The following FGF20 variants were observed in gnomAD, a reference collection of about 807,000 sequenced individuals.
The protein encoded by FGF20 is fibroblast growth factor 20.
Under a neutral mutation model 16.7 loss-of-function variants are expected in FGF20, and 8 were observed. That is an observed-to-expected ratio of 0.48 (90% CI 0.28 to 0.87). FGF20 has a LOEUF of 0.87. FGF20 is among the 40% of genes least tolerant of loss of function. The pLI, the probability that FGF20 is intolerant of heterozygous loss-of-function variation, is 0.10. For missense variants in FGF20, 397 were observed against 281.4 expected, an observed-to-expected ratio of 1.41 and a Z score of -2.94; for synonymous variants, 161 against 118.6, an observed-to-expected ratio of 1.36 and a Z score of -2.32.
At position 16,997,737 on chromosome 8, in the gene FGF20, A is replaced by G. The variant is rs545605704; in HGVS notation, c.287-1979T>C. Among the ~76,000 whole-genome samples the G allele has an allele frequency of 9.3e-4, 142 of 152,304 alleles. 2 individuals carry two copies. The highest frequency in any genetic ancestry group is 3.4e-3 in the African/African-American group (140 of 41,576). ...CTTAGGACAGCCATCATAATGACAA[A>G]TACAGAGGTGGGGAGTGAAGGAAAA... On this transcript the variant is annotated intron_variant, in intron 1 of 2. Transcript: ENST00000180166.
chr8:16,997,522 TG>T (rs1281677237), intron 1 of FGF20, among the ~76,000 whole-genome samples: 2 of 152,238 alleles, frequency 1.3e-5, no homozygotes, highest in African/African-American at 2.4e-5. Flanking sequence ...ATTCACTCTT[TG>T]TCAGAAACAG....
rs999003744 is a variant in FGF20, at chr8:16,992,787, G to A, written c.*285C>T. 1 of 259,722 alleles carries A rather than the reference G, an allele frequency of 3.9e-6. No homozygotes were observed. The highest frequency in any genetic ancestry group is 9.3e-5 in the South Asian group (1 of 10,792). The allele number at this position is 259,722 out of a possible 1,614,324, so 16.1% of individuals were successfully genotyped here. ...AGGCACCAGCAGCAACCATGTGAGG[G>A]TTCCCATTATCCACAGTTTAACAGA... is the stretch of plus-strand genomic sequence containing the variant. On this transcript the variant is annotated 3_prime_UTR_variant, in exon 3 of 3. Coordinates refer to ENST00000180166, the MANE Select transcript of FGF20 (RefSeq NM_019851.3).
intron 2 of FGF20, among the ~76,000 whole-genome samples, chr8:16,994,731 C>T (rs1372027413): frequency 6.6e-6 from 1 of 152,142 alleles, no homozygotes; most frequent in Non-Finnish European, 1.5e-5. Context: ...TCTGCTTAAT[C>T]ATACAAAGTC....
At chr8:16,999,518 CTTT>C (rs370808443) in intron 1 of FGF20, among the ~76,000 whole-genome samples, 10 of 85,830 alleles carry the variant, frequency 1.2e-4, no homozygotes, top group Admixed American at 7.1e-4. Flanking sequence ...TACAAGTTTC[CTTT>C]TTTTTTTTTT....
Position 16,992,858 on chromosome 8 carries a change from G to A in FGF20, c.*214C>T. On this transcript the variant is annotated 3_prime_UTR_variant, in exon 3 of 3. Coordinates refer to ENST00000180166, the MANE Select transcript of FGF20 (RefSeq NM_019851.3). Reference sequence around the variant, plus strand: ...GTAAGGACTAATCCAATGTATCTAAGGGAACTTAATCCACATATAAAGAGT... The same window carrying A: ...GTAAGGACTAATCCAATGTATCTAAAGGAACTTAATCCACATATAAAGAGT... The A allele has an allele frequency of 1.8e-6, 1 of 554,070 alleles. No homozygotes were observed. Among genetic ancestry groups the A allele is most frequent in the South Asian group, 2.3e-5 (1 of 44,156 alleles). 34.3% of individuals were successfully genotyped at this position (554,070 alleles called of 1,614,324 possible).
intron 1 of FGF20, among the ~76,000 whole-genome samples, chr8:17,000,113 G>C (rs1810148816): frequency 6.6e-6 from 1 of 152,034 alleles, no homozygotes; most frequent in Non-Finnish European, 1.5e-5. Context: ...TGTAATCCCA[G>C]TACTTTGGGA....
At position 17,002,095 on chromosome 8, in the gene FGF20, A is replaced by G; in HGVS notation, c.-63T>C. The G allele has an allele frequency of 2.1e-6, 3 of 1,437,766 alleles. No homozygotes were observed. Among genetic ancestry groups the G allele is most frequent in the African/African-American group, 1.5e-5 (1 of 66,114 alleles). 89.1% of individuals were successfully genotyped at this position (1,437,766 alleles called of 1,614,324 possible). A position where few individuals can be genotyped will look rare whatever the true frequency, so the allele number is the denominator to read the frequency against. On this transcript the variant is annotated 5_prime_UTR_variant, in exon 1 of 3. Transcript: ENST00000180166. ...AAAGAGTGTTGTGGGGGTGGGATGG[A>G]GGTGGATAGAGAAAAATTATAGCAA...
chr8:16,996,125 G>A (rs1810038289), intron 1 of FGF20, among the ~76,000 whole-genome samples: 1 of 152,118 alleles, frequency 6.6e-6, no homozygotes, highest in Non-Finnish European at 1.5e-5. Flanking sequence ...TTCAATCTGT[G>A]AGATGGGGGC....
chr8:17,000,834 T>A (rs980518026), intron 1 of FGF20, among the ~76,000 whole-genome samples: 1 of 151,982 alleles, frequency 6.6e-6, no homozygotes, highest in African/African-American at 2.4e-5. Context: ...TTCTCTTGTT[T>A]CTTTTAACCC....
chr8:16,995,758 C>A lies in FGF20; in HGVS notation c.287G>T (p.Gly96Val). Residue 96 changes from glycine (G) to valine (V), a missense_variant and splice_region_variant, in exon 2 of 3, where the codon GGT becomes GTT. Physicochemically the swap from Gly to Val is moderately radical, Grantham distance 109. Coordinates refer to ENST00000180166, the MANE Select transcript of FGF20 (RefSeq NM_019851.3). ...TGCCACACTGATGAATTCCAAGATACCTGCATATGTAAACAATTCATAAAA... is the reference window on the plus strand; with the variant it reads ...TGCCACACTGATGAATTCCAAGATAACTGCATATGTAAACAATTCATAAAA... ...QGTRQDHSLFGILEFISVAVG... is the reference protein window; with the variant it reads ...QGTRQDHSLFVILEFISVAVG... The A allele has an allele frequency of 6.5e-7, 1 of 1,547,650 alleles. No homozygotes were observed. Among genetic ancestry groups the A allele is most frequent in the Non-Finnish European group, 8.9e-7 (1 of 1,124,756 alleles).
chr8:16,996,529 A>G (rs535183469), intron 1 of FGF20, among the ~76,000 whole-genome samples: 4 of 152,328 alleles, frequency 2.6e-5, no homozygotes, highest in African/African-American at 9.6e-5. Context: ...ATAAATTAGT[A>G]TATAACAGAG....
Position 17,002,220 on chromosome 8 carries a change from C to G in FGF20, c.-188G>C. 1.9e-6 allele frequency: 1 copy of G among 535,522 alleles called. No individual in the cohort carries two copies. Among genetic ancestry groups the G allele is most frequent in the Admixed American group, 4.4e-5 (1 of 22,702 alleles). The allele number at this position is 535,522 out of a possible 1,614,324, so 33.2% of individuals were successfully genotyped here. On this transcript the variant is annotated 5_prime_UTR_variant, in exon 1 of 3. Transcript: ENST00000180166. ...GAAGCTCTCACTGTCTTGGAGCGAT[C>G]TTCTCTCCTTGGGTAGGTGGGAGCC...
intron 2 of FGF20, 116 bp downstream of exon 2, chr8:16,995,539 C>T (rs546520826): frequency 4.5e-4 from 204 of 457,446 alleles, no homozygotes; most frequent in Non-Finnish European, 3.1e-4. Context: ...TCAATTTCTA[C>T]GTAAGTATGT....
chr8:17,000,749 A>G (rs1192563059), intron 1 of FGF20, among the ~76,000 whole-genome samples: 1 of 151,964 alleles, frequency 6.6e-6, no homozygotes, highest in East Asian at 1.9e-4. Context: ...TTCTAGTTAC[A>G]CAGCTAGTGA....
chr8:16,995,878 A>C, intron 1 of FGF20, 120 bp from the exon 2 acceptor site: 1 of 558,448 alleles, frequency 1.8e-6, no homozygotes. Context: ...ATAATGATGT[A>C]CGTGTAAAAG....
In FGF20 at chr8:17,002,012, G is replaced by A. The variant is rs1262549661; in HGVS notation, c.21C>T (p.Val7=). ...CCTCCAGGCCGCCCAGAAAGCCCCC[G>A]ACTTCGGCTAAGGGAGCCATGGAGG... The part of the protein sequence containing the change: MAPLAE[V]GGFLGGLEGL... The change falls in exon 1 of 3, where the codon GTC becomes GTT. Residue 7 remains valine (V), a synonymous_variant. Coordinates refer to ENST00000180166, the MANE Select transcript of FGF20 (RefSeq NM_019851.3). 2 of 1,537,526 alleles carry A rather than the reference G, an allele frequency of 1.3e-6. No homozygotes were observed. The highest frequency in any genetic ancestry group is 2.0e-5 in the Admixed American group (1 of 50,324).
rs17549955 is a variant in FGF20, at chr8:17,001,531, G to C, written c.286+216C>G. Among the ~76,000 whole-genome samples, 913 of 152,250 alleles carry C rather than the reference G, an allele frequency of 6.0e-3. 21 individuals carry two copies. The highest frequency in any genetic ancestry group is 0.044 in the East Asian group (225 of 5,134). On this transcript the variant is annotated intron_variant, in intron 1 of 2. Transcript: ENST00000180166. ...CATCTGGAGCTGCTGCCCTGCTAGA[G>C]GCTGCGGCGACAAACCAGCAGGAAA...
At chr8:16,996,028 G>C (rs17515163) in intron 1 of FGF20, among the ~76,000 whole-genome samples, 1 of 152,144 alleles carries the variant, frequency 6.6e-6, no homozygotes, top group Non-Finnish European at 1.5e-5. Flanking sequence ...CTGCGTGCTG[G>C]GACAACAGGA....
intron 1 of FGF20, among the ~76,000 whole-genome samples, chr8:17,000,883 C>T (rs1043507873): frequency 6.6e-6 from 1 of 152,028 alleles, no homozygotes; most frequent in South Asian, 2.1e-4. Flanking sequence ...TTCTGAAACA[C>T]GTCCGTCTGT....
Sources: allele counts gnomAD v4.1 joint callset (sites outside exome capture counted in the v4.1 genomes callset), GRCh38; gene constraint gnomAD v4.1.1; transcripts MANE v1.5; gene names NCBI Gene and HGNC (gene_info 2026-07-23, HGNC 2026-07-21).